Variants in PLD5 observed in about 807,000 individuals in gnomAD.
The protein encoded by PLD5 is inactive phospholipase D5.
Under a neutral mutation model 61.1 loss-of-function variants are expected in PLD5, and 36 were observed. That is an observed-to-expected ratio of 0.59 (90% CI 0.45 to 0.78). The LOEUF (loss-of-function observed/expected upper bound fraction) is 0.78, where lower values mean the gene tolerates loss of function less well. PLD5 is among the 30% of genes least tolerant of loss of function. The pLI is 0.00. For synonymous variants in PLD5, 243 were observed against 242.8 expected, an observed-to-expected ratio of 1.00 and a Z score of -0.01; for missense variants, 515 against 644.4, an observed-to-expected ratio of 0.80 and a Z score of 2.17.
At chr1:242,115,794 G>T (rs1661902061) in intron 6 of PLD5, among the ~76,000 whole-genome samples, 1 of 152,198 alleles carries the variant, frequency 6.6e-6, no homozygotes, top group African/African-American at 2.4e-5. Flanking sequence ...CCGAAATTCA[G>T]CAGGAGAGCC....
intron 5 of PLD5, among the ~76,000 whole-genome samples, chr1:242,162,303 A>T (rs1028387056): frequency 2.6e-5 from 4 of 152,180 alleles, no homozygotes; most frequent in Admixed American, 2.0e-4. Context: ...CTCTTTGCTG[A>T]GCATTGTCAC....
chr1:242,176,256 G>T (rs967390310), intron 5 of PLD5, among the ~76,000 whole-genome samples: 7 of 152,148 alleles, frequency 4.6e-5, no homozygotes, highest in African/African-American at 1.7e-4. Context: ...CAATGGAACA[G>T]AACAGAGCCC....
chr1:242,378,165 A>C (rs1662073342), intron 1 of PLD5, among the ~76,000 whole-genome samples: 2 of 152,236 alleles, frequency 1.3e-5, no homozygotes, highest in Non-Finnish European at 2.9e-5. Flanking sequence ...ACATAGGACA[A>C]AATATTATTC....
chr1:242,343,405 TAA>T (rs1253260821), intron 2 of PLD5, among the ~76,000 whole-genome samples: 1 of 152,064 alleles, frequency 6.6e-6, no homozygotes, highest in Non-Finnish European at 1.5e-5. Context: ...CACTTTCAGG[TAA>T]AGTCTGGGAA....
chr1:242,449,258 A>C, intron 1 of PLD5: 1 of 1,445,102 alleles, frequency 6.9e-7, no homozygotes, highest in South Asian at 1.2e-5. Context: ...GTGACTGTTC[A>C]GTCTCATGCT....
At chr1:242,135,079 T>G (rs757861775) in intron 5 of PLD5, among the ~76,000 whole-genome samples, 1 of 152,238 alleles carries the variant, frequency 6.6e-6, no homozygotes, top group Non-Finnish European at 1.5e-5. Flanking sequence ...GACAAATTCC[T>G]TAGCATTTCT....
chr1:242,408,999 G>A (rs2796065), intron 1 of PLD5, among the ~76,000 whole-genome samples: 35,009 of 151,710 alleles, frequency 0.23, 4,522 homozygotes, highest in Admixed American at 0.29. Flanking sequence ...CCCAGGAGGC[G>A]AAGGTGGCAG....
chr1:242,088,398 A>G lies in PLD5; in HGVS notation c.*1456T>C, dbSNP rs938238176. On this transcript the variant is annotated 3_prime_UTR_variant, in exon 10 of 10. Coordinates refer to ENST00000536534, the MANE Select transcript of PLD5 (RefSeq NM_001372062.1). ...GGGAGGACCTGGTGTTGATTCCATC[A>G]AGATATGACAAAGTTTATTTCAAGA... The G allele has an allele frequency of 3.3e-5, 5 of 152,222 alleles. No homozygotes were observed. The highest frequency in any genetic ancestry group is 9.6e-5 in the African/African-American group (4 of 41,454). The allele number at this position is 152,222 out of a possible 1,614,324, so 9.4% of individuals were successfully genotyped here.
intron 1 of PLD5, among the ~76,000 whole-genome samples, chr1:242,443,658 A>G (rs958774429): frequency 6.6e-6 from 1 of 152,216 alleles, no homozygotes; most frequent in Non-Finnish European, 1.5e-5. Context: ...CGTAAACTGT[A>G]TCATAGCTTA....
chr1:242,466,325 T>C (rs1472819498), intron 1 of PLD5, among the ~76,000 whole-genome samples: 1 of 152,140 alleles, frequency 6.6e-6, no homozygotes, highest in Non-Finnish European at 1.5e-5. Context: ...TGAATAGAAC[T>C]GTAGAAAAAC....
intron 1 of PLD5, among the ~76,000 whole-genome samples, chr1:242,364,888 C>T (rs1661256770): frequency 6.6e-6 from 1 of 151,594 alleles, no homozygotes. Context: ...GAAAACAAAA[C>T]CATGCCCACA....
intron 1 of PLD5, among the ~76,000 whole-genome samples, chr1:242,503,542 A>G (rs1668624202): frequency 6.6e-6 from 1 of 152,164 alleles, no homozygotes; most frequent in African/African-American, 2.4e-5. Flanking sequence ...CACTTCCTTG[A>G]AGCACAGGGC....
chr1:242,473,418 T>C (rs555680597), intron 1 of PLD5, among the ~76,000 whole-genome samples: 2 of 152,274 alleles, frequency 1.3e-5, no homozygotes, highest in South Asian at 2.1e-4. Flanking sequence ...AGCGTGAAGA[T>C]TAATGAGACA....
intron 1 of PLD5, among the ~76,000 whole-genome samples, chr1:242,408,652 T>G (rs941020041): frequency 4.6e-5 from 7 of 152,222 alleles, no homozygotes; most frequent in Admixed American, 4.6e-4. Context: ...ATTGATGTCA[T>G]GCATCAGGTA....
At chr1:242,493,496 T>C (rs977253374) in intron 1 of PLD5, among the ~76,000 whole-genome samples, 22 of 152,222 alleles carry the variant, frequency 1.4e-4, no homozygotes, top group African/African-American at 4.8e-4. Context: ...CCAGAACAAA[T>C]GAGACACCTT....
chr1:242,228,648 G>T (rs1671103979), intron 4 of PLD5, among the ~76,000 whole-genome samples: 1 of 151,768 alleles, frequency 6.6e-6, no homozygotes, highest in African/African-American at 2.4e-5. Flanking sequence ...CAGAGAATGA[G>T]GGAGGGAGGG....
chr1:242,388,263 T>G (rs1342361), intron 1 of PLD5, among the ~76,000 whole-genome samples: 1 of 152,122 alleles, frequency 6.6e-6, no homozygotes, highest in East Asian at 1.9e-4. Flanking sequence ...GGAAAGTCAA[T>G]GCTTTAGGAA....
intron 1 of PLD5, among the ~76,000 whole-genome samples, chr1:242,418,882 T>A (rs775920573): frequency 1.3e-5 from 2 of 152,196 alleles, no homozygotes; most frequent in Non-Finnish European, 2.9e-5. Flanking sequence ...CATGTGGCAA[T>A]GCCAGCACCA....
At chr1:242,134,898 T>C (rs979591821) in intron 5 of PLD5, among the ~76,000 whole-genome samples, 3 of 152,168 alleles carry the variant, frequency 2.0e-5, no homozygotes, top group African/African-American at 4.8e-5. Context: ...AGACAGTGTT[T>C]CTCCTCTGGT....
Sources: allele counts gnomAD v4.1 joint callset (sites outside exome capture counted in the v4.1 genomes callset), GRCh38; gene constraint gnomAD v4.1.1; transcripts MANE v1.5; gene names NCBI Gene and HGNC (gene_info 2026-07-23, HGNC 2026-07-21).